DISC1: variants seen among roughly 807,000 people sequenced by gnomAD.
DISC1 encodes DISC1 scaffold protein, also known as disrupted in schizophrenia 1 protein.
In DISC1, 57 loss-of-function variants were observed where a neutral mutation model predicts 84.5. That is an observed-to-expected ratio of 0.67 (90% CI 0.55 to 0.84). The LOEUF is 0.84. DISC1 is among the 40% of genes least tolerant of loss of function. DISC1 has a pLI of 0.00. For synonymous variants in DISC1, 411 were observed against 415.2 expected (o/e 0.99, Z 0.12); for missense variants, 1,000 against 1,057.8 (o/e 0.95, Z 0.76).
chr1:231,627,483 T>C (rs1297158230), intron 1 of DISC1, among the ~76,000 whole-genome samples: 1 of 152,228 alleles, frequency 6.6e-6, no homozygotes, highest in African/African-American at 2.4e-5. Flanking sequence ...GGGGCTGCTC[T>C]GAAATCAGTG....
At position 231,954,063 on chromosome 1, in the gene DISC1, A is replaced by G. The variant is rs886227524; in HGVS notation, c.1982-4765A>G. On this transcript the variant is annotated intron_variant, in intron 9 of 12. Transcript: ENST00000439617. This position sits in a 1 kb window ranked among gnomAD's most constrained non-coding sequence, Gnocchi z 4.8. ...CTACCTTCCGTGTTGACATTCTTCT[A>G]CCTTCCAACTTCCGTGTTTACACTG... Among the ~76,000 whole-genome samples the G allele has an allele frequency of 2.1e-4, 32 of 152,132 alleles. No homozygotes were observed. Among genetic ancestry groups the G allele is most frequent in the African/African-American group, 6.5e-4 (27 of 41,418 alleles).
intron 9 of DISC1, among the ~76,000 whole-genome samples, chr1:231,833,267 AAG>A (rs1380252898): frequency 2.0e-4 from 31 of 151,274 alleles, no homozygotes; most frequent in African/African-American, 7.6e-4. Context: ...GGGGAGTTTT[AAG>A]AGGTTTAGAA....
At chr1:231,980,331 C>T (rs748543958) in intron 10 of DISC1, among the ~76,000 whole-genome samples, 6 of 152,298 alleles carry the variant, frequency 3.9e-5, no homozygotes, top group South Asian at 2.1e-4. Context: ...ACCTATCAGT[C>T]GTTCTATCAG....
At chr1:231,946,610 A>G (rs1657271339) in intron 9 of DISC1, among the ~76,000 whole-genome samples, 1 of 152,220 alleles carries the variant, frequency 6.6e-6, no homozygotes, top group African/African-American at 2.4e-5. Context: ...AGTTCTGGCC[A>G]GGGCAATCAG....
chr1:231,667,207 C>G (rs1006782730), intron 1 of DISC1, among the ~76,000 whole-genome samples: 3 of 152,180 alleles, frequency 2.0e-5, no homozygotes, highest in African/African-American at 7.2e-5. Flanking sequence ...AGGTCTTATT[C>G]TTTTCAGTTT....
At chr1:231,671,625 T>C (rs968946875) in intron 1 of DISC1, among the ~76,000 whole-genome samples, 1 of 152,218 alleles carries the variant, frequency 6.6e-6, no homozygotes, top group Non-Finnish European at 1.5e-5. Context: ...GAGAAGGTTG[T>C]ATTGGTTTTA....
At chr1:231,790,198 C>T (rs1314750057) in intron 6 of DISC1, among the ~76,000 whole-genome samples, 1 of 152,162 alleles carries the variant, frequency 6.6e-6, no homozygotes, top group African/African-American at 2.4e-5. Flanking sequence ...CATGGAGTAG[C>T]AACTCTTTTT....
rs190526480 is a variant in DISC1, at chr1:231,630,414, T to G, written c.67+3480T>G. Among the ~76,000 whole-genome samples, 15 of 152,180 alleles carry G rather than the reference T, an allele frequency of 9.9e-5. No individual in the cohort carries two copies. The highest frequency in any genetic ancestry group is 3.4e-4 in the African/African-American group (14 of 41,496). On this transcript the variant is annotated intron_variant, in intron 1 of 12. Transcript: ENST00000439617. The surrounding 1 kb of genome is among the most constrained non-coding windows in gnomAD (Gnocchi z 4.4). The stretch of plus-strand genomic sequence containing the variant: ...GCCTCAAGCAACTTCTGCCTCGACC[T>G]CCCAAAGTACCAGGATTACAGATGT...
intron 11 of DISC1, among the ~76,000 whole-genome samples, chr1:232,023,881 C>T (rs983573172): frequency 1.3e-5 from 2 of 151,974 alleles, no homozygotes; most frequent in Non-Finnish European, 2.9e-5. Context: ...ATCATTTTTT[C>T]CCAGATGTTC....
intron 3 of DISC1, among the ~76,000 whole-genome samples, chr1:231,703,715 G>A (rs1329466852): frequency 6.6e-6 from 1 of 152,310 alleles, no homozygotes; most frequent in African/African-American, 2.4e-5. Flanking sequence ...AGGGAATGGG[G>A]TTTGAGAGGA....
intron 1 of DISC1, among the ~76,000 whole-genome samples, chr1:231,661,007 A>G (rs2061520759): frequency 6.6e-6 from 1 of 151,988 alleles, no homozygotes; most frequent in Admixed American, 6.5e-5. Flanking sequence ...TATGAACCTT[A>G]GTTTGGTCAG....
At chr1:231,704,689 G>A (rs779611354) in intron 3 of DISC1, among the ~76,000 whole-genome samples, 71 of 151,212 alleles carry the variant, frequency 4.7e-4, no homozygotes, top group Non-Finnish European at 7.7e-4. Context: ...GAACCCAGGG[G>A]GCGGAGCTTG....
At chr1:231,814,576 G>C (rs1462129529) in intron 8 of DISC1, among the ~76,000 whole-genome samples, 2 of 152,050 alleles carry the variant, frequency 1.3e-5, no homozygotes, top group Admixed American at 1.3e-4. Context: ...CAATGTTGTC[G>C]AGGTTTGTGT....
intron 9 of DISC1, among the ~76,000 whole-genome samples, chr1:231,918,653 A>G (rs1021502688): frequency 6.6e-6 from 1 of 152,244 alleles, no homozygotes; most frequent in Non-Finnish European, 1.5e-5. Flanking sequence ...ATTATCTTGT[A>G]GTACTCTCAG....
chr1:231,737,063 A>G (rs2072608204), intron 3 of DISC1, among the ~76,000 whole-genome samples: 1 of 152,226 alleles, frequency 6.6e-6, no homozygotes, highest in African/African-American at 2.4e-5. Context: ...TGTGCTAAAG[A>G]ATAACAGATG....
chr1:231,732,762 A>G (rs1051573944), intron 3 of DISC1, among the ~76,000 whole-genome samples: 4 of 152,258 alleles, frequency 2.6e-5, no homozygotes, highest in African/African-American at 9.6e-5. Flanking sequence ...AAAGTTGGAT[A>G]GTTTGCTCTT....
chr1:231,896,115 G>A (rs199875023), intron 9 of DISC1, among the ~76,000 whole-genome samples: 8 of 152,160 alleles, frequency 5.3e-5, no homozygotes, highest in East Asian at 1.9e-4. Context: ...GAGTTTCATC[G>A]TACCAATGAT....
intron 2 of DISC1, among the ~76,000 whole-genome samples, chr1:231,695,069 G>A (rs1201897081): frequency 1.3e-5 from 2 of 152,190 alleles, no homozygotes; most frequent in Non-Finnish European, 2.9e-5. Context: ...TGCAGGCCCC[G>A]GCTTAGGTGA....
intron 9 of DISC1, among the ~76,000 whole-genome samples, chr1:231,958,543 A>G (rs1558781491): frequency 1.3e-5 from 2 of 152,320 alleles, no homozygotes; most frequent in South Asian, 2.1e-4. Context: ...TCATCCAGTG[A>G]TAGACTATCA....
Sources: allele counts gnomAD v4.1 joint callset (sites outside exome capture counted in the v4.1 genomes callset), GRCh38; gene constraint gnomAD v4.1.1; non-coding constraint Gnocchi (gnomAD v3.1); transcripts MANE v1.5; gene names NCBI Gene and HGNC (gene_info 2026-07-23, HGNC 2026-07-21).